Variants in CTNND2 observed in about 807,000 individuals in gnomAD.
The protein encoded by CTNND2 is catenin delta-2.
In CTNND2, 22 loss-of-function variants were observed where a neutral mutation model predicts 144.4. The observed-to-expected ratio is 0.15, with a 90% confidence interval of 0.11 to 0.22. CTNND2 has a LOEUF of 0.22. Ranked by LOEUF, CTNND2 falls within the 10% of genes least tolerant of loss-of-function variation. The pLI is 1.00. For synonymous variants in CTNND2, 751 were observed against 695.6 expected (o/e 1.08, Z -1.25); for missense variants, 1,353 against 1,618.8 (o/e 0.84, Z 2.82).
chr5:11,002,335 G>A (rs1331047857), intron 18 of CTNND2, among the ~76,000 whole-genome samples: 6 of 152,260 alleles, frequency 3.9e-5, no homozygotes, highest in Non-Finnish European at 5.9e-5. Context: ...AATGACCCAT[G>A]TGTTCTGAGG....
At chr5:11,672,558 G>A (rs1274078301) in intron 2 of CTNND2, among the ~76,000 whole-genome samples, 1 of 152,124 alleles carries the variant, frequency 6.6e-6, no homozygotes, top group Non-Finnish European at 1.5e-5. Flanking sequence ...TTCCTGGCAG[G>A]CTTGTTTACA....
rs1380302730 is a variant in CTNND2, at chr5:11,346,524, G to A, written c.1476C>T (p.Ala492=). 6 of 1,605,446 alleles carry A rather than the reference G, an allele frequency of 3.7e-6. 1 individual carries two copies. Among genetic ancestry groups the A allele is most frequent in the East Asian group, 4.5e-5 (2 of 44,010 alleles). The change falls in exon 9 of 22, where the codon GCC becomes GCT. Residue 492 remains alanine (A), a synonymous_variant. Coordinates refer to ENST00000304623, the MANE Select transcript of CTNND2 (RefSeq NM_001332.4). Reference sequence around the variant, plus strand: ...CCGCGTAATTGGAGGCTGGGCCGGCGGCATAGCTGGCCCTCTGGAAGGTGG... The same window carrying A: ...CCGCGTAATTGGAGGCTGGGCCGGCAGCATAGCTGGCCCTCTGGAAGGTGG... ...AAATFQRASY[A]AGPASNYADP... is the part of the protein sequence containing the mutation.
intron 16 of CTNND2, among the ~76,000 whole-genome samples, chr5:11,079,573 T>G (rs1749329421): frequency 2.0e-5 from 3 of 152,050 alleles, no homozygotes; most frequent in Non-Finnish European, 1.5e-5. Context: ...CTCCCAACAC[T>G]CGCCCTGCCA....
chr5:10,981,018 T>A, intron 21 of CTNND2, among the ~76,000 whole-genome samples: 1 of 152,136 alleles, frequency 6.6e-6, no homozygotes, highest in East Asian at 1.9e-4. Flanking sequence ...ATTCTGCACA[T>A]GTACCCCAGA....
At chr5:11,192,759 G>A (rs970076430) in intron 11 of CTNND2, among the ~76,000 whole-genome samples, 1 of 152,178 alleles carries the variant, frequency 6.6e-6, no homozygotes, top group Non-Finnish European at 1.5e-5. Flanking sequence ...ATTGTAGCCA[G>A]GTGAGTCTGT....
chr5:11,005,193 C>A (rs1335247238), intron 18 of CTNND2, among the ~76,000 whole-genome samples: 1 of 152,170 alleles, frequency 6.6e-6, no homozygotes, highest in African/African-American at 2.4e-5. Context: ...TGTGCCCAGG[C>A]AATGCCAAGG....
intron 9 of CTNND2, among the ~76,000 whole-genome samples, chr5:11,343,540 CT>C: frequency 6.6e-6 from 1 of 152,284 alleles, no homozygotes; most frequent in African/African-American, 2.4e-5. Flanking sequence ...CATAAATATA[CT>C]CTTTCTTTTT....
chr5:11,158,412 C>A (rs1363759667), intron 12 of CTNND2, among the ~76,000 whole-genome samples: 1 of 152,094 alleles, frequency 6.6e-6, no homozygotes, highest in Non-Finnish European at 1.5e-5. Flanking sequence ...TGTATATTTG[C>A]CATATGGTAG....
At chr5:11,638,566 ATAACT>A (rs1781830782) in intron 2 of CTNND2, among the ~76,000 whole-genome samples, 1 of 152,108 alleles carries the variant, frequency 6.6e-6, no homozygotes, top group Non-Finnish European at 1.5e-5. Flanking sequence ...AGCTATCCTT[ATAACT>A]GTACAGAACC....
chr5:11,518,671 C>T (rs555406251), intron 3 of CTNND2, among the ~76,000 whole-genome samples: 2 of 152,100 alleles, frequency 1.3e-5, no homozygotes, highest in South Asian at 4.2e-4. Context: ...TTTTACTATA[C>T]CTTTACTATG....
At chr5:11,801,616 T>C (rs986521264) in intron 1 of CTNND2, among the ~76,000 whole-genome samples, 1 of 152,192 alleles carries the variant, frequency 6.6e-6, no homozygotes, top group Admixed American at 6.5e-5. Flanking sequence ...GAAAACTCCA[T>C]AGGCAGCAAC....
At chr5:11,114,814 C>G (rs1159342295) in intron 13 of CTNND2, among the ~76,000 whole-genome samples, 2 of 152,160 alleles carry the variant, frequency 1.3e-5, no homozygotes, top group Admixed American at 6.6e-5. Context: ...CTCATTCAAA[C>G]CCCTCACCCT....
At chr5:11,843,766 T>C (rs1339259866) in intron 1 of CTNND2, among the ~76,000 whole-genome samples, 2 of 152,230 alleles carry the variant, frequency 1.3e-5, no homozygotes, top group Non-Finnish European at 2.9e-5. Context: ...TCCTAGGAAA[T>C]TGACTCTTTG....
intron 11 of CTNND2, among the ~76,000 whole-genome samples, chr5:11,194,629 T>C (rs531068172): frequency 6.6e-6 from 1 of 151,962 alleles, no homozygotes; most frequent in Non-Finnish European, 1.5e-5. Flanking sequence ...ATTTTAAAAA[T>C]AAGCAGAAAA....
intron 12 of CTNND2, among the ~76,000 whole-genome samples, chr5:11,129,278 TTATATAAAAATATATAATATATATTATA>T: frequency 1.5e-5 from 1 of 67,684 alleles, no homozygotes; most frequent in Non-Finnish European, 2.9e-5. Context: ...TAAATATATA[TTATATAAAAATATATAATATATATTATA>T]TATATAAATA....
At chr5:11,774,182 C>T (rs1401208251) in intron 1 of CTNND2, among the ~76,000 whole-genome samples, 6 of 152,038 alleles carry the variant, frequency 3.9e-5, no homozygotes, top group Non-Finnish European at 7.4e-5. Flanking sequence ...TTCAAGCACA[C>T]ATCAATTTGC....
chr5:11,363,187 T>G (rs1001708497), intron 8 of CTNND2, among the ~76,000 whole-genome samples: 2 of 152,214 alleles, frequency 1.3e-5, no homozygotes, highest in Non-Finnish European at 2.9e-5. Context: ...TAGAGTTTTC[T>G]TTTTTTAAGT....
At chr5:11,793,144 T>C (rs1196616087) in intron 1 of CTNND2, among the ~76,000 whole-genome samples, 3 of 152,330 alleles carry the variant, frequency 2.0e-5, no homozygotes, top group Middle Eastern at 3.4e-3. Context: ...TGCTGTGCTA[T>C]TGGTTTATGG....
chr5:11,724,584 G>T (rs1047564063), intron 2 of CTNND2, among the ~76,000 whole-genome samples: 1 of 152,200 alleles, frequency 6.6e-6, no homozygotes, highest in African/African-American at 2.4e-5. Context: ...GGGCATGGGT[G>T]CTGGCCAACA....
Sources: gnomAD v4.1 joint callset for allele counts (sites outside exome capture counted in the v4.1 genomes callset) on GRCh38, gnomAD v4.1.1 for gene constraint, MANE v1.5 for transcripts, NCBI Gene and HGNC (gene_info 2026-07-23, HGNC 2026-07-21) for gene names.